The following GRM5 variants were observed in gnomAD, a reference collection of about 807,000 sequenced individuals.
The protein encoded by GRM5 is glutamate metabotropic receptor 5.
Under a neutral mutation model 83.1 loss-of-function variants are expected in GRM5, and 19 were observed. The ratio of observed to expected loss-of-function variants is 0.23; its 90% CI spans 0.16 to 0.34. The LOEUF is 0.34. Ranked by LOEUF, GRM5 falls within the 10% of genes least tolerant of loss-of-function variation. The pLI is 1.00. For missense variants in GRM5, 1,160 were observed against 1,588.3 expected, an observed-to-expected ratio of 0.73 and a Z score of 4.58; for synonymous variants, 675 against 633.6, an observed-to-expected ratio of 1.07 and a Z score of -0.98.
At chr11:88,989,621 C>G (rs1191419039) in intron 2 of GRM5, among the ~76,000 whole-genome samples, 1 of 138,734 alleles carries the variant, frequency 7.2e-6, no homozygotes, top group Non-Finnish European at 1.5e-5. Flanking sequence ...GTAAAGCTCT[C>G]CTCAGCAAAT....
chr11:88,542,548 A>G (rs1000040972), intron 8 of GRM5, among the ~76,000 whole-genome samples: 1 of 152,222 alleles, frequency 6.6e-6, no homozygotes, highest in Non-Finnish European at 1.5e-5. Flanking sequence ...CACAAAGTTT[A>G]TAAATGTTGA....
At chr11:88,556,933 C>T (rs1293328976) in intron 8 of GRM5, among the ~76,000 whole-genome samples, 1 of 152,054 alleles carries the variant, frequency 6.6e-6, no homozygotes, top group Non-Finnish European at 1.5e-5. Flanking sequence ...AGGGTTATTT[C>T]TCTGGGACTA....
At chr11:88,925,742 ACT>A in intron 2 of GRM5, 1 of 453,300 alleles carries the variant, frequency 2.2e-6, no homozygotes, top group Non-Finnish European at 4.4e-6. Flanking sequence ...CAAAACCACA[ACT>A]CTACTAAAAA....
intron 2 of GRM5, among the ~76,000 whole-genome samples, chr11:88,905,249 G>T (rs1945382929): frequency 6.6e-6 from 1 of 152,196 alleles, no homozygotes; most frequent in Non-Finnish European, 1.5e-5. Context: ...ATATTGATGA[G>T]GGGTCGGAAA....
intron 2 of GRM5, among the ~76,000 whole-genome samples, chr11:88,985,894 T>G (rs539310239): frequency 6.6e-6 from 1 of 152,252 alleles, no homozygotes; most frequent in Admixed American, 6.5e-5. Flanking sequence ...TATCAATCAT[T>G]TATATATTGC....
intron 3 of GRM5, among the ~76,000 whole-genome samples, chr11:88,699,411 C>T (rs943638481): frequency 6.6e-6 from 1 of 152,158 alleles, no homozygotes; most frequent in Non-Finnish European, 1.5e-5. Flanking sequence ...GCAGTAGAAG[C>T]TGTGAGGTGC....
chr11:89,031,357 TTG>T (rs1406999909), intron 2 of GRM5, among the ~76,000 whole-genome samples: 2 of 152,016 alleles, frequency 1.3e-5, no homozygotes, highest in Admixed American at 6.6e-5. Flanking sequence ...TTGATTATTT[TTG>T]TTTTTGTTGT....
intron 2 of GRM5, among the ~76,000 whole-genome samples, chr11:88,867,152 G>A (rs576754799): frequency 8.6e-5 from 13 of 151,804 alleles, no homozygotes; most frequent in East Asian, 7.8e-4. Context: ...TGCCTCCAGC[G>A]TTGTTCTTTT....
intron 2 of GRM5, among the ~76,000 whole-genome samples, chr11:88,856,133 C>G (rs1944471973): frequency 6.6e-6 from 1 of 151,890 alleles, no homozygotes; most frequent in East Asian, 1.9e-4. Flanking sequence ...ATTAAGATTC[C>G]CAATATAAAC....
chr11:88,979,375 ATAAGAAAATGCACATT>A (rs898747284), intron 2 of GRM5, among the ~76,000 whole-genome samples: 4 of 152,248 alleles, frequency 2.6e-5, no homozygotes, highest in African/African-American at 9.6e-5. Flanking sequence ...ATTTCCTGGA[ATAAGAAAATGCACATT>A]TATTCTCTAA....
intron 3 of GRM5, among the ~76,000 whole-genome samples, chr11:88,781,959 C>T (rs1036150826): frequency 6.6e-6 from 1 of 152,090 alleles, no homozygotes; most frequent in African/African-American, 2.4e-5. Flanking sequence ...TCCAAGCATT[C>T]CTCACATGCT....
intron 8 of GRM5, among the ~76,000 whole-genome samples, chr11:88,536,338 A>G (rs1461935301): frequency 6.6e-6 from 1 of 152,212 alleles, no homozygotes; most frequent in African/African-American, 2.4e-5. Flanking sequence ...TTAGTCAGTG[A>G]CAGATCCATA....
At chr11:88,704,243 G>A (rs1941102009) in intron 3 of GRM5, among the ~76,000 whole-genome samples, 1 of 151,998 alleles carries the variant, frequency 6.6e-6, no homozygotes, top group Admixed American at 6.6e-5. Flanking sequence ...GTCAATATAT[G>A]AATTTGAGGG....
At chr11:88,738,032 T>C (rs1740322538) in intron 3 of GRM5, among the ~76,000 whole-genome samples, 1 of 148,220 alleles carries the variant, frequency 6.7e-6, no homozygotes, top group Non-Finnish European at 1.5e-5. Context: ...CTAGTGAAAA[T>C]AGATTTTTAA....
chr11:88,978,398 C>T (rs572540729), intron 2 of GRM5, among the ~76,000 whole-genome samples: 1 of 148,956 alleles, frequency 6.7e-6, no homozygotes, highest in East Asian at 2.0e-4. Flanking sequence ...CTTTTGGCTT[C>T]CCTGGGCCAC....
At chr11:88,888,301 G>T (rs1296492394) in intron 2 of GRM5, among the ~76,000 whole-genome samples, 1 of 152,142 alleles carries the variant, frequency 6.6e-6, no homozygotes, top group African/African-American at 2.4e-5. Context: ...AAAACAGACA[G>T]CTCTGCAAGC....
intron 2 of GRM5, among the ~76,000 whole-genome samples, chr11:88,875,430 C>T (rs1944835904): frequency 1.3e-5 from 2 of 152,084 alleles, no homozygotes; most frequent in South Asian, 4.1e-4. Context: ...AATTCTTCTA[C>T]TTGAAGTCTT....
intron 3 of GRM5, among the ~76,000 whole-genome samples, chr11:88,778,332 G>A (rs1236033683): frequency 6.6e-6 from 1 of 152,238 alleles, no homozygotes; most frequent in Non-Finnish European, 1.5e-5. Context: ...TTTGGCAGGA[G>A]TGTCCCGTTT....
intron 3 of GRM5, among the ~76,000 whole-genome samples, chr11:88,790,957 CTG>C (rs1282764449): frequency 2.0e-5 from 3 of 152,070 alleles, no homozygotes. Context: ...AGAAAGATCA[CTG>C]GCAGCAATGT....
Sources: allele counts gnomAD v4.1 joint callset (sites outside exome capture counted in the v4.1 genomes callset), GRCh38; gene constraint gnomAD v4.1.1; transcripts MANE v1.5; gene names NCBI Gene and HGNC (gene_info 2026-07-23, HGNC 2026-07-21).